TMEM117: variants seen among roughly 807,000 people sequenced by gnomAD.
TMEM117 encodes the protein transmembrane protein 117.
TMEM117 carries 27 observed loss-of-function variants against 52.4 expected under a neutral mutation model. The observed-to-expected ratio is 0.51, with a 90% confidence interval of 0.38 to 0.71. The LOEUF (loss-of-function observed/expected upper bound fraction) is 0.71, where lower values mean the gene tolerates loss of function less well. Ranked by LOEUF, TMEM117 falls within the 30% of genes least tolerant of loss-of-function variation. The pLI, the probability that TMEM117 is intolerant of heterozygous loss-of-function variation, is 0.00. For missense variants in TMEM117, 556 were observed against 630.5 expected (o/e 0.88, Z 1.26); for synonymous variants, 215 against 206.3 (o/e 1.04, Z -0.36).
chr12:43,952,446 A>T (rs1945239716), intron 3 of TMEM117, among the ~76,000 whole-genome samples: 1 of 152,066 alleles, frequency 6.6e-6, no homozygotes, highest in Non-Finnish European at 1.5e-5. Context: ...GAGGAACATA[A>T]ATGACCTGAT....
At position 44,063,555 on chromosome 12, in the gene TMEM117, T is replaced by C. The variant is rs1045397414; in HGVS notation, c.411-79970T>C. ...CATATGTATACATGTGCCATGTTGG[T>C]GTGCTGCACCCATTAACTCGTCATT... On this transcript the variant is annotated intron_variant, in intron 3 of 7. Transcript: ENST00000266534. Among the ~76,000 whole-genome samples, 8 of 151,990 alleles carry C rather than the reference T, an allele frequency of 5.3e-5. 1 individual carries two copies. Among genetic ancestry groups the C allele is most frequent in the Non-Finnish European group, 1.0e-4 (7 of 68,010 alleles).
At chr12:43,938,047 G>A (rs994705177) in intron 2 of TMEM117, among the ~76,000 whole-genome samples, 3 of 151,874 alleles carry the variant, frequency 2.0e-5, no homozygotes, top group African/African-American at 7.3e-5. Context: ...TCTCTGTCTG[G>A]CTCCCTGAAA....
chr12:43,986,389 G>C (rs1168373735), intron 3 of TMEM117, among the ~76,000 whole-genome samples: 1 of 152,080 alleles, frequency 6.6e-6, no homozygotes, highest in Non-Finnish European at 1.5e-5. Flanking sequence ...AGTATAACTG[G>C]ATATAGGATT....
At chr12:44,377,578 A>G (rs1951959639) in intron 7 of TMEM117, among the ~76,000 whole-genome samples, 2 of 152,130 alleles carry the variant, frequency 1.3e-5, no homozygotes, top group South Asian at 4.1e-4. Context: ...GGCTTCCCGG[A>G]GCTACGTTTT....
upstream of TMEM117, among the ~76,000 whole-genome samples, chr12:43,833,127 C>G (rs547034887): frequency 6.6e-6 from 1 of 152,204 alleles, no homozygotes; most frequent in Non-Finnish European, 1.5e-5. Context: ...GAACTACACT[C>G]TCTAAGCCCT....
intron 4 of TMEM117, among the ~76,000 whole-genome samples, chr12:44,210,672 G>A (rs1416235895): frequency 6.6e-6 from 1 of 152,138 alleles, no homozygotes; most frequent in Non-Finnish European, 1.5e-5. Context: ...TTTTCTATAA[G>A]TGGGAGAGAA....
intron 6 of TMEM117, among the ~76,000 whole-genome samples, chr12:44,329,841 T>C (rs189522409): frequency 1.7e-3 from 266 of 152,228 alleles, no homozygotes; most frequent in Non-Finnish European, 2.7e-3. Flanking sequence ...TGTCAGAATT[T>C]CCTTTCTTTT....
chr12:44,297,455 G>T (rs190188414), intron 5 of TMEM117, among the ~76,000 whole-genome samples: 96 of 152,252 alleles, frequency 6.3e-4, no homozygotes, highest in African/African-American at 2.1e-3. Context: ...GGCAGTGCTG[G>T]ATAACAGGGA....
At chr12:43,934,667 C>G (rs1005368435) in intron 2 of TMEM117, among the ~76,000 whole-genome samples, 9 of 152,006 alleles carry the variant, frequency 5.9e-5, no homozygotes, top group African/African-American at 1.9e-4. Context: ...GAGATTGTAT[C>G]TCAATATTCA....
chr12:44,397,089 CA>C, the TMEM117 span, among the ~76,000 whole-genome samples: 2 of 152,006 alleles, frequency 1.3e-5, no homozygotes, highest in South Asian at 4.2e-4. Flanking sequence ...AAAACTTGAA[CA>C]AAACTATCAA....
At chr12:43,926,199 T>C (rs919525141) in intron 2 of TMEM117, among the ~76,000 whole-genome samples, 28 of 152,224 alleles carry the variant, frequency 1.8e-4, no homozygotes, top group African/African-American at 6.3e-4. Context: ...AGTGAAATTC[T>C]TACCTGAAAT....
At chr12:43,855,897 A>G (rs1366390198) in intron 2 of TMEM117, among the ~76,000 whole-genome samples, 2 of 152,230 alleles carry the variant, frequency 1.3e-5, no homozygotes, top group East Asian at 1.9e-4. Flanking sequence ...AGCATGGTCA[A>G]GGTAGTCATG....
At chr12:44,212,288 T>A (rs1362648660) in intron 5 of TMEM117, among the ~76,000 whole-genome samples, 1 of 152,210 alleles carries the variant, frequency 6.6e-6, no homozygotes, top group Non-Finnish European at 1.5e-5. Flanking sequence ...CTATCCATGC[T>A]GTCGATGCTA....
At chr12:44,393,565 A>G (rs181355957), downstream of TMEM117, among the ~76,000 whole-genome samples, 54 of 152,288 alleles carry the variant, frequency 3.5e-4, no homozygotes, top group African/African-American at 1.2e-3. Flanking sequence ...ATGCAAAGTC[A>G]AGATTGGAAT....
chr12:43,922,279 T>C (rs1944707786), intron 2 of TMEM117, among the ~76,000 whole-genome samples: 1 of 152,114 alleles, frequency 6.6e-6, no homozygotes, highest in African/African-American at 2.4e-5. Flanking sequence ...CATTAGAAAT[T>C]GGAGCAGTAA....
downstream of TMEM117, among the ~76,000 whole-genome samples, chr12:44,394,127 G>T (rs968236327): frequency 3.9e-5 from 6 of 152,128 alleles, no homozygotes; most frequent in African/African-American, 1.4e-4. Context: ...ACCATATTTT[G>T]AAATGATGAC....
At chr12:43,808,812 GAAAAAAAA>G in the TMEM117 span, among the ~76,000 whole-genome samples, 4 of 80,782 alleles carry the variant, frequency 5.0e-5, no homozygotes, top group East Asian at 1.8e-3. Flanking sequence ...TCAAAGGGGA[GAAAAAAAA>G]AAAAAAAAAA....
At chr12:44,036,325 T>G (rs1476141283) in intron 3 of TMEM117, among the ~76,000 whole-genome samples, 1 of 152,242 alleles carries the variant, frequency 6.6e-6, no homozygotes, top group Non-Finnish European at 1.5e-5. Context: ...ACTAATGTCC[T>G]GAAGCCTTCT....
intron 5 of TMEM117, among the ~76,000 whole-genome samples, chr12:44,255,007 C>T (rs546391658): frequency 6.6e-6 from 1 of 152,258 alleles, no homozygotes; most frequent in East Asian, 1.9e-4. Flanking sequence ...TTTATGGCTG[C>T]ATAGTATTCC....
Sources: gnomAD v4.1 joint callset for allele counts (sites outside exome capture counted in the v4.1 genomes callset) on GRCh38, gnomAD v4.1.1 for gene constraint, MANE v1.5 for transcripts, NCBI Gene and HGNC (gene_info 2026-07-23, HGNC 2026-07-21) for gene names.